NTNG1: variants seen among roughly 807,000 people sequenced by gnomAD.
NTNG1 encodes the protein netrin-G1.
Under a neutral mutation model 54.0 loss-of-function variants are expected in NTNG1, and 16 were observed. That is an observed-to-expected ratio of 0.30 (90% CI 0.20 to 0.45). The LOEUF (loss-of-function observed/expected upper bound fraction) is 0.45. Among genes scored for constraint, NTNG1 ranks in the 20% least tolerant of loss-of-function variants. The probability of loss-of-function intolerance (pLI) is 1.00; values close to 1 mark genes in which losing one functional copy is unlikely to be tolerated. For synonymous variants in NTNG1, 255 were observed against 263.1 expected (o/e 0.97, Z 0.30); for missense variants, 530 against 678.7 (o/e 0.78, Z 2.43).
intron 2 of NTNG1, among the ~76,000 whole-genome samples, chr1:107,226,705 C>G (rs990520620): frequency 2.0e-5 from 3 of 152,082 alleles, no homozygotes; most frequent in Non-Finnish European, 4.4e-5. Flanking sequence ...TGACCCCATC[C>G]CTACAGAAGG....
rs185422347 is a variant in NTNG1 at position 107,265,792 on chromosome 1, G to A, written c.247-58490G>A. 1.3e-5 allele frequency among the ~76,000 whole-genome samples: 2 copies of A among 152,228 alleles called. 1 individual carries two copies. Among genetic ancestry groups the A allele is most frequent in the Admixed American group, 1.3e-4 (2 of 15,276 alleles). ...AAATTATTTGTTTAAGAAATATATA[G>A]GAAAATAAAGCAGAGCTATGAATGC... On this transcript the variant is annotated intron_variant, in intron 2 of 7. Coordinates refer to ENST00000370068, the MANE Select transcript of NTNG1 (RefSeq NM_001113226.3).
intron 2 of NTNG1, among the ~76,000 whole-genome samples, chr1:107,221,494 A>T (rs552194826): frequency 6.6e-6 from 1 of 152,294 alleles, no homozygotes; most frequent in South Asian, 2.1e-4. Context: ...TCTGAGCCTG[A>T]CTCAGAGCCT....
intron 2 of NTNG1, among the ~76,000 whole-genome samples, chr1:107,170,287 T>C (rs1656123451): frequency 6.6e-6 from 1 of 152,158 alleles, no homozygotes; most frequent in Middle Eastern, 3.2e-3. Context: ...GAAAGGGAGT[T>C]TGAGCCTAAG....
chr1:107,440,370 G>C lies in NTNG1; in HGVS notation c.1390+3571G>C, dbSNP rs11185115. ...TGCTCTTTGAGTAGACTCTGGATTC[G>C]TAGAGACCAGGGTCTGAATCCCTTC... On this transcript the variant is annotated intron_variant, in intron 7 of 7. Coordinates refer to ENST00000370068, the MANE Select transcript of NTNG1 (RefSeq NM_001113226.3). Among the ~76,000 whole-genome samples the C allele has an allele frequency of 6.6e-5, 10 of 152,044 alleles. No homozygotes were observed. In the South Asian group the frequency reaches 2.1e-3, roughly 32 times the overall value.
intron 2 of NTNG1, among the ~76,000 whole-genome samples, chr1:107,188,163 G>T (rs938671159): frequency 1.3e-5 from 2 of 151,854 alleles, no homozygotes; most frequent in Admixed American, 6.6e-5. Flanking sequence ...TAAATCAACA[G>T]TTCCGTAGTC....
intron 3 of NTNG1, among the ~76,000 whole-genome samples, chr1:107,328,203 C>T (rs575302653): frequency 6.6e-6 from 1 of 152,150 alleles, no homozygotes; most frequent in Non-Finnish European, 1.5e-5. Context: ...TAATAATCTA[C>T]ATGGACTAAT....
intron 3 of NTNG1, among the ~76,000 whole-genome samples, chr1:107,351,209 T>C (rs184278662): frequency 3.9e-5 from 6 of 152,310 alleles, no homozygotes; most frequent in East Asian, 3.9e-4. Context: ...TTCAAAATGT[T>C]TTAGGATTTT....
chr1:107,290,984 T>TATATATATATATATACACAC (rs1160371267), intron 2 of NTNG1, among the ~76,000 whole-genome samples: 1 of 140,020 alleles, frequency 7.1e-6, no homozygotes, highest in African/African-American at 2.8e-5. Context: ...TATATATATA[T>TATATATATATATATACACAC]ACACACACAC....
At chr1:107,459,616 G>A (rs927563463) in intron 7 of NTNG1, among the ~76,000 whole-genome samples, 1 of 152,162 alleles carries the variant, frequency 6.6e-6, no homozygotes, top group Non-Finnish European at 1.5e-5. Context: ...CAAGATTAAT[G>A]ATTCTTTACA....
At chr1:107,174,706 A>G (rs981996661) in intron 2 of NTNG1, among the ~76,000 whole-genome samples, 1 of 152,092 alleles carries the variant, frequency 6.6e-6, no homozygotes, top group Non-Finnish European at 1.5e-5. Flanking sequence ...AGAAATGCCA[A>G]TATTTGAGAA....
chr1:107,430,794 C>G lies in NTNG1; in HGVS notation c.1132C>G (p.Leu378Val), dbSNP rs1475518300. ...CTCCAATCGATGCAGTTATATCGAT[C>G]TGCTAAATACAGTCATTTGCGTGAG... ...GHSNRCSYID[L>V]LNTVICVSCK... The change falls in exon 6 of 8, where the codon CTG (leucine) becomes GTG (valine). Residue 378 changes from leucine to valine, a missense_variant. Leu to Val is a conservative substitution (Grantham distance 32). This residue lies in a region of NTNG1 where 212 missense variants were observed against 213.6 expected (regional missense o/e 0.99). Coordinates refer to ENST00000370068, the MANE Select transcript of NTNG1 (RefSeq NM_001113226.3). 1.2e-6 allele frequency: 2 copies of G among 1,613,244 alleles called. No homozygotes were observed. Among genetic ancestry groups the G allele is most frequent in the East Asian group, 4.5e-5 (2 of 44,760 alleles).
chr1:107,398,887 C>T lies in NTNG1; in HGVS notation c.1060+3561C>T, dbSNP rs2101105358. Among the ~76,000 whole-genome samples the T allele has an allele frequency of 1.3e-5, 2 of 152,186 alleles. 1 individual carries two copies. Among genetic ancestry groups the T allele is most frequent in the African/African-American group, 4.8e-5 (2 of 41,536 alleles). ...ATGCTTAATTATGATTCTCTTGATTCCCCATTGTCCAGCTCATGAATAAAA... is the reference window on the plus strand; with the variant it reads ...ATGCTTAATTATGATTCTCTTGATTTCCCATTGTCCAGCTCATGAATAAAA... On this transcript the variant is annotated intron_variant, in intron 4 of 7. Transcript: ENST00000370068.
chr1:107,427,659 T>C (rs1333857728), intron 5 of NTNG1, among the ~76,000 whole-genome samples: 2 of 152,114 alleles, frequency 1.3e-5, no homozygotes, highest in African/African-American at 4.8e-5. Context: ...TTTATCAAAG[T>C]CTCAGAAGAG....
intron 3 of NTNG1, among the ~76,000 whole-genome samples, chr1:107,376,820 C>G (rs1283431583): frequency 6.6e-6 from 1 of 152,176 alleles, no homozygotes; most frequent in African/African-American, 2.4e-5. Flanking sequence ...CCCCCAGCCA[C>G]CAGCCCCAGC....
chr1:107,276,667 A>G (rs1429605849), intron 2 of NTNG1, among the ~76,000 whole-genome samples: 2 of 152,060 alleles, frequency 1.3e-5, no homozygotes, highest in Non-Finnish European at 2.9e-5. Context: ...ACGAGGTCAT[A>G]TTCAATCTCT....
At chr1:107,343,942 T>C (rs1669071132) in intron 3 of NTNG1, among the ~76,000 whole-genome samples, 1 of 152,018 alleles carries the variant, frequency 6.6e-6, no homozygotes, top group Admixed American at 6.6e-5. Context: ...AGACAAGCGA[T>C]ACCTGAAAGG....
rs866285863 is a variant in NTNG1 at position 107,320,581 on chromosome 1, A to C, written c.247-3701A>C. ...AGATCACGCCCTGTGAAATATTTACACTAAATATTGTAGCCTGTAATCTCT... is the reference window on the plus strand; with the variant it reads ...AGATCACGCCCTGTGAAATATTTACCCTAAATATTGTAGCCTGTAATCTCT... On this transcript the variant is annotated intron_variant, in intron 2 of 7. Coordinates refer to ENST00000370068, the MANE Select transcript of NTNG1 (RefSeq NM_001113226.3). Among the ~76,000 whole-genome samples, 10 of 151,922 alleles carry C rather than the reference A, an allele frequency of 6.6e-5. 1 individual carries two copies. The South Asian group carries it at 1.9e-3, about 28-fold the overall frequency.
intron 7 of NTNG1, among the ~76,000 whole-genome samples, chr1:107,464,151 T>C (rs1265106345): frequency 1.3e-5 from 2 of 152,176 alleles, no homozygotes; most frequent in African/African-American, 2.4e-5. Flanking sequence ...AAAAAAACCT[T>C]GTTGCCCATC....
At chr1:107,440,097 C>G (rs1675873644) in intron 7 of NTNG1, among the ~76,000 whole-genome samples, 1 of 151,780 alleles carries the variant, frequency 6.6e-6, no homozygotes, top group African/African-American at 2.4e-5. Context: ...GTAGGGCTGA[C>G]AGTGGTGTTG....
Sources: gnomAD v4.1 joint callset for allele counts (sites outside exome capture counted in the v4.1 genomes callset) on GRCh38, gnomAD v4.1.1 for gene constraint, gnomAD v4.1.1 regional missense constraint, MANE v1.5 for transcripts, NCBI Gene and HGNC (gene_info 2026-07-23, HGNC 2026-07-21) for gene names.